The following PDE7B variants were observed in gnomAD, a reference collection of about 807,000 sequenced individuals.
The protein encoded by PDE7B is 3',5'-cyclic-AMP phosphodiesterase 7B.
In PDE7B, 29 loss-of-function variants were observed where a neutral mutation model predicts 56.2. That is an observed-to-expected ratio of 0.52 (90% CI 0.38 to 0.70). The LOEUF (loss-of-function observed/expected upper bound fraction) is 0.70. Among genes scored for constraint, PDE7B ranks in the 30% least tolerant of loss-of-function variants. The pLI is 0.00. For synonymous variants in PDE7B, 197 were observed against 196.9 expected, an observed-to-expected ratio of 1.00 and a Z score of 0.00; for missense variants, 490 against 565.0, an observed-to-expected ratio of 0.87 and a Z score of 1.35.
rs1562485048 is a variant in PDE7B, at chr6:136,068,554, AAG to A, written c.83-40174_83-40173del. 2.0e-4 allele frequency among the ~76,000 whole-genome samples: 30 copies of A among 150,772 alleles called. No homozygotes were observed. The East Asian group carries it at 4.2e-3, about 21-fold the overall frequency. On this transcript the variant is annotated intron_variant, in intron 2 of 12. Transcript: ENST00000308191. ...CACACCATTCTCCTGCCTCAGCCTC[AAG>A]AGTAGCTGGGACTACAGGCGCCCGC...
rs985546830 is a variant in PDE7B at position 135,934,260 on chromosome 6, C to T, written c.22-13204C>T. On this transcript the variant is annotated intron_variant, in intron 1 of 12. Coordinates refer to ENST00000308191, the MANE Select transcript of PDE7B (RefSeq NM_018945.4). Reference sequence around the variant, plus strand: ...CCTTTATATAATTTTTCTTCTTGGACATTTGAAACACTTTGGTAGTTTAAC... The same window carrying T: ...CCTTTATATAATTTTTCTTCTTGGATATTTGAAACACTTTGGTAGTTTAAC... Among the ~76,000 whole-genome samples the T allele has an allele frequency of 2.6e-5, 4 of 152,268 alleles. No individual in the cohort carries two copies. In the South Asian group the frequency reaches 8.3e-4, roughly 32 times the overall value.
In PDE7B at chr6:136,131,512, T is replaced by C. The variant is rs1197617969; in HGVS notation, c.167-15839T>C. Reference sequence around the variant, plus strand: ...CTGGCAGGTTTTTTTTTTTTTTTTTTTTTTTTTGAGCCGCCTGTTTGCCCA... The same window carrying C: ...CTGGCAGGTTTTTTTTTTTTTTTTTCTTTTTTTGAGCCGCCTGTTTGCCCA... On this transcript the variant is annotated intron_variant, in intron 3 of 12. Coordinates refer to ENST00000308191, the MANE Select transcript of PDE7B (RefSeq NM_018945.4). 2.0e-5 allele frequency among the ~76,000 whole-genome samples: 3 copies of C among 148,088 alleles called. No homozygotes were observed. The East Asian group carries it at 6.0e-4, about 30-fold the overall frequency.
At chr6:135,994,450 C>T (rs1775529671) in intron 2 of PDE7B, among the ~76,000 whole-genome samples, 1 of 152,082 alleles carries the variant, frequency 6.6e-6, no homozygotes, top group Admixed American at 6.5e-5. Context: ...TCCATCCTAC[C>T]TAGAGTAAGG....
intron 5 of PDE7B, among the ~76,000 whole-genome samples, chr6:136,149,820 G>A (rs1187972255): frequency 6.6e-6 from 1 of 152,114 alleles, no homozygotes; most frequent in African/African-American, 2.4e-5. Flanking sequence ...GATGTTGATA[G>A]GTCTCTTTTA....
In PDE7B at chr6:136,194,834, T is replaced by A. The variant is rs1444509159; in HGVS notation, c.*2994T>A. 1.3e-5 allele frequency: 2 copies of A among 152,298 alleles called. No individual in the cohort carries two copies. The highest frequency in any genetic ancestry group is 4.8e-5 in the African/African-American group (2 of 41,456). 9.4% of individuals were successfully genotyped at this position (152,298 alleles called of 1,614,324 possible). Reference sequence around the variant, plus strand: ...TGAACCTGGGAGGTGGAAGTTGTAGTGAACTGAGATCGCACCACTGCACTC... The same window carrying A: ...TGAACCTGGGAGGTGGAAGTTGTAGAGAACTGAGATCGCACCACTGCACTC... On this transcript the variant is annotated 3_prime_UTR_variant, in exon 13 of 13. Coordinates refer to ENST00000308191, the MANE Select transcript of PDE7B (RefSeq NM_018945.4).
chr6:135,998,516 G>A (rs1273746476), intron 2 of PDE7B, among the ~76,000 whole-genome samples: 1 of 152,136 alleles, frequency 6.6e-6, no homozygotes, highest in Non-Finnish European at 1.5e-5. Context: ...CAGCACTTTG[G>A]GAGGCCGAGG....
chr6:135,966,701 C>T (rs548059462), intron 2 of PDE7B, among the ~76,000 whole-genome samples: 1 of 152,240 alleles, frequency 6.6e-6, no homozygotes, highest in Admixed American at 6.5e-5. Context: ...TTTATTCAGT[C>T]AGAAAGTGAG....
intron 3 of PDE7B, among the ~76,000 whole-genome samples, chr6:136,139,964 CTTTAG>C (rs1421806810): frequency 6.6e-6 from 1 of 152,164 alleles, no homozygotes; most frequent in African/African-American, 2.4e-5. Context: ...TGCAGAAGCT[CTTTAG>C]TTTAATTAGA....
chr6:136,173,731 G>A (rs1314535750), intron 8 of PDE7B, 66 bp from the exon 9 acceptor site: 5 of 1,051,768 alleles, frequency 4.8e-6, no homozygotes, highest in South Asian at 1.3e-5. Context: ...GTGGAGCTGT[G>A]TTCAGCATGA....
chr6:136,053,229 G>T (rs1776665047), intron 2 of PDE7B, among the ~76,000 whole-genome samples: 2 of 115,948 alleles, frequency 1.7e-5, no homozygotes, highest in African/African-American at 7.0e-5. Flanking sequence ...CCCACAACAG[G>T]CCCGGTGTGT....
At chr6:135,922,289 C>T (rs1774098295) in intron 1 of PDE7B, among the ~76,000 whole-genome samples, 1 of 152,052 alleles carries the variant, frequency 6.6e-6, no homozygotes, top group East Asian at 1.9e-4. Context: ...GGCATGGGAA[C>T]CAGGGAATCA....
chr6:135,916,318 A>G (rs1773936354), intron 1 of PDE7B, among the ~76,000 whole-genome samples: 1 of 146,960 alleles, frequency 6.8e-6, no homozygotes, highest in South Asian at 2.1e-4. Context: ...CTTATTGCCC[A>G]TTTGTATTTA....
chr6:135,950,080 T>C (rs1045688874), intron 2 of PDE7B, among the ~76,000 whole-genome samples: 3 of 152,052 alleles, frequency 2.0e-5, no homozygotes, highest in Non-Finnish European at 4.4e-5. Flanking sequence ...TTAACATGCA[T>C]CCACCTGAAG....
At chr6:135,852,954 G>C (rs952061801) in intron 1 of PDE7B, among the ~76,000 whole-genome samples, 4 of 152,162 alleles carry the variant, frequency 2.6e-5, no homozygotes, top group Non-Finnish European at 5.9e-5. Flanking sequence ...CAGGAAGATT[G>C]GCAATTCAAT....
chr6:136,154,162 T>C lies in PDE7B; in HGVS notation c.566T>C (p.Leu189Pro). 6.2e-7 allele frequency: 1 copy of C among 1,611,348 alleles called. No individual in the cohort carries two copies. The highest frequency in any genetic ancestry group is 1.1e-5 in the South Asian group (1 of 90,990). Residue 189 changes from leucine (L) to proline (P), a missense_variant, in exon 7 of 13, where the codon CTG becomes CCG. By Grantham distance (98) the Leu-to-Pro change is moderately conservative. Transcript: ENST00000308191. The stretch of plus-strand genomic sequence containing the variant: ...GTCACCCAGGCCATGCACTGCTACC[T>C]GAAAGAGCCAAAGGTAAGACAAGAC... The part of the protein sequence containing the change: ...ADVTQAMHCY[L>P]KEPKLASFLT...
chr6:136,189,721 C>G (rs575148185), intron 12 of PDE7B, among the ~76,000 whole-genome samples: 1 of 152,090 alleles, frequency 6.6e-6, no homozygotes, highest in African/African-American at 2.4e-5. Context: ...CCTTCCTCCC[C>G]GCAACCCCCC....
At chr6:136,147,728 C>T (rs1401525367) in intron 4 of PDE7B, among the ~76,000 whole-genome samples, 1 of 152,178 alleles carries the variant, frequency 6.6e-6, no homozygotes, top group African/African-American at 2.4e-5. Context: ...TGAATATACC[C>T]ATGCCTAACA....
At chr6:135,925,839 CAA>C (rs1359723240) in intron 1 of PDE7B, among the ~76,000 whole-genome samples, 10 of 152,096 alleles carry the variant, frequency 6.6e-5, no homozygotes, top group Admixed American at 6.5e-4. Context: ...TCATTTTACA[CAA>C]ACTACATAAT....
At chr6:135,906,806 G>GTTTTTTTTTTT (rs1383346069) in intron 1 of PDE7B, among the ~76,000 whole-genome samples, 1 of 32,454 alleles carries the variant, frequency 3.1e-5, no homozygotes, top group Non-Finnish European at 5.9e-5. Flanking sequence ...TGTTAATGAG[G>GTTTTTTTTTTT]TTTGTTTTTT....
Sources: gnomAD v4.1 joint callset for allele counts (sites outside exome capture counted in the v4.1 genomes callset) on GRCh38, gnomAD v4.1.1 for gene constraint, MANE v1.5 for transcripts, NCBI Gene and HGNC (gene_info 2026-07-23, HGNC 2026-07-21) for gene names.